The following KIAA1614 variants were observed in gnomAD, a reference collection of about 807,000 sequenced individuals.
KIAA1614 encodes the protein KIAA1614, also known as uncharacterized protein KIAA1614.
In KIAA1614, 76 loss-of-function variants were observed where a neutral mutation model predicts 88.7. That is an observed-to-expected ratio of 0.86 (90% confidence interval 0.71 to 1.04). The LOEUF (loss-of-function observed/expected upper bound fraction) is 1.04. KIAA1614 is among the 50% of genes least tolerant of loss of function. The pLI is 0.00. For synonymous variants in KIAA1614, 714 were observed against 675.5 expected (o/e 1.06, Z -0.88); for missense variants, 1,553 against 1,582.5 (o/e 0.98, Z 0.32).
intron 1 of KIAA1614, among the ~76,000 whole-genome samples, chr1:180,915,108 A>T (rs1653749074): frequency 1.3e-5 from 2 of 152,220 alleles, no homozygotes; most frequent in Non-Finnish European, 2.9e-5. Context: ...CTGGTCAATA[A>T]TGCCATTGTG....
intron 3 of KIAA1614, among the ~76,000 whole-genome samples, chr1:180,921,746 G>A (rs1159257694): frequency 1.3e-5 from 2 of 152,314 alleles, no homozygotes; most frequent in Non-Finnish European, 2.9e-5. Flanking sequence ...AGGAAATGGG[G>A]TTTGGATTTT....
At chr1:180,926,622 C>G (rs1654074666) in intron 3 of KIAA1614, among the ~76,000 whole-genome samples, 1 of 152,250 alleles carries the variant, frequency 6.6e-6, no homozygotes, top group African/African-American at 2.4e-5. Flanking sequence ...GCCTGCCCAC[C>G]AGGTCTTGTG....
intron 3 of KIAA1614, among the ~76,000 whole-genome samples, chr1:180,921,133 G>C (rs958416048): frequency 4.0e-5 from 6 of 151,710 alleles, no homozygotes; most frequent in Admixed American, 6.6e-5. Context: ...TCAGTGAAGG[G>C]AGATAGGGGT....
intron 3 of KIAA1614, among the ~76,000 whole-genome samples, chr1:180,926,688 T>C (rs1051909960): frequency 6.6e-6 from 1 of 152,200 alleles, no homozygotes; most frequent in South Asian, 2.1e-4. Flanking sequence ...GCTCCGAGTG[T>C]GCGGGCTGGC....
chr1:180,939,808 C>T (rs1270799784), intron 6 of KIAA1614, among the ~76,000 whole-genome samples: 2 of 152,202 alleles, frequency 1.3e-5, no homozygotes, highest in African/African-American at 4.8e-5. Flanking sequence ...GCCTTGCCTG[C>T]CTGTCTGACC....
In KIAA1614 at chr1:180,928,438, G is replaced by A. The variant is rs750532932; in HGVS notation, c.1070G>A (p.Gly357Asp). 1.2e-6 allele frequency: 2 copies of A among 1,612,158 alleles called. No individual in the cohort carries two copies. The highest frequency in any genetic ancestry group is 1.1e-5 in the South Asian group (1 of 90,850). ...TGTGTGCCACGCTGCAGGACCGTTG[G>A]TCCCAACCCGGAGCCTGTGCTGAGC... ...LQDSGQNRTV[G>D]PNPEPVLSPR... The change falls in exon 4 of 9, where the codon GGT becomes GAT. Residue 357 changes from glycine to aspartate, a missense_variant. By Grantham distance (94) the Gly-to-Asp change is moderately conservative. Coordinates refer to ENST00000367588, the MANE Select transcript of KIAA1614 (RefSeq NM_020950.2).
chr1:180,916,793 C>T lies in KIAA1614; in HGVS notation c.690C>T (p.Ile230=). Residue 230 remains isoleucine (I), a synonymous_variant, in exon 2 of 9, where the codon ATC becomes ATT. Coordinates refer to ENST00000367588, the MANE Select transcript of KIAA1614 (RefSeq NM_020950.2). ...GGGGTCCTGGTCATTGTAACAAAATCATCCACATTCCCAGCCCAAGGACAG... is the reference window on the plus strand; with the variant it reads ...GGGGTCCTGGTCATTGTAACAAAATTATCCACATTCCCAGCCCAAGGACAG... ...RPGGPGHCNK[I]IHIPSPRTGR... 4.3e-6 allele frequency: 7 copies of T among 1,614,236 alleles called. No individual in the cohort carries two copies. Among genetic ancestry groups the T allele is most frequent in the Non-Finnish European group, 5.9e-6 (7 of 1,180,040 alleles).
Position 180,917,868 on chromosome 1 carries a change from G to A in KIAA1614, c.1015G>A (p.Val339Met). 1 of 1,614,032 alleles carries A rather than the reference G, an allele frequency of 6.2e-7. No individual in the cohort carries two copies. Among genetic ancestry groups the A allele is most frequent in the African/African-American group, 1.3e-5 (1 of 75,042 alleles). ...GATCCTAGAGCGACCAGTGGGGGAT[G>A]TGGACTGGGCCTCGGGCACCTCCTT... ...TAAPERPVGDVDWASGTSLQD... is the reference protein window; with the variant it reads ...TAAPERPVGDMDWASGTSLQD... The change falls in exon 3 of 9, where the codon GTG becomes ATG. Residue 339 changes from valine (V) to methionine (M), a missense_variant. Coordinates refer to ENST00000367588, the MANE Select transcript of KIAA1614 (RefSeq NM_020950.2).
chr1:180,950,667 T>A lies in KIAA1614; in HGVS notation c.*5079T>A. The A allele has an allele frequency of 6.1e-6, 2 of 325,602 alleles. No homozygotes were observed. The highest frequency in any genetic ancestry group is 8.9e-6 in the Non-Finnish European group (2 of 225,684). The allele number at this position is 325,602 out of a possible 1,614,324, so 20.2% of individuals were successfully genotyped here. On this transcript the variant is annotated 3_prime_UTR_variant, in exon 9 of 9. Coordinates refer to ENST00000367588, the MANE Select transcript of KIAA1614 (RefSeq NM_020950.2). Reference sequence around the variant, plus strand: ...TGGCAGCATCTAACCCCTTGGGCTGTGGCAGGGCTTCTGTGGTGGGCTGCC... The same window carrying A: ...TGGCAGCATCTAACCCCTTGGGCTGAGGCAGGGCTTCTGTGGTGGGCTGCC...
rs1365103877 is a variant in KIAA1614, at chr1:180,916,687, C to G, written c.584C>G (p.Pro195Arg). ...PWPPEAEWTL[P>R]DHDRGPLLGP... Reference sequence around the variant, plus strand: ...CCTCCAGAAGCCGAATGGACACTTCCTGACCATGACAGAGGTCCGCTGCTG... The same window carrying G: ...CCTCCAGAAGCCGAATGGACACTTCGTGACCATGACAGAGGTCCGCTGCTG... The change falls in exon 2 of 9, where the codon CCT (proline) becomes CGT (arginine). Residue 195 changes from proline (P) to arginine (R), a missense_variant. By Grantham distance (103) the Pro-to-Arg change is moderately radical. Transcript: ENST00000367588. 3.1e-6 allele frequency: 5 copies of G among 1,609,584 alleles called. No individual in the cohort carries two copies. The highest frequency in any genetic ancestry group is 4.5e-5 in the East Asian group (2 of 44,828).
Position 180,941,191 on chromosome 1 carries a change from G to A in KIAA1614, c.3065G>A (p.Gly1022Asp). ...ALGQSSRPKL[G>D]KSRSYSVEQL... ...GGCCAGAGTTCCCGGCCCAAGCTGG[G>A]CAAGTCCCGCAGCTACAGTGTGGAG... is the stretch of plus-strand genomic sequence containing the variant. The change falls in exon 7 of 9, where the codon GGC becomes GAC. Residue 1022 changes from glycine (G) to aspartate (D), a missense_variant. By Grantham distance (94) the Gly-to-Asp change is moderately conservative (BLOSUM62 -1). Transcript: ENST00000367588. The A allele has an allele frequency of 6.2e-7, 1 of 1,613,844 alleles. No homozygotes were observed.
rs988413837 is a variant in KIAA1614, at chr1:180,950,405, G to A, written c.*4817G>A. On this transcript the variant is annotated 3_prime_UTR_variant, in exon 9 of 9. Coordinates refer to ENST00000367588, the MANE Select transcript of KIAA1614 (RefSeq NM_020950.2). ...GCTGTACTCAGGGCTGCTGGGGGTG[G>A]GCGATGAGATCCTCGAGGTGAACGG... The A allele has an allele frequency of 7.3e-6, 9 of 1,233,054 alleles. No homozygotes were observed. The highest frequency in any genetic ancestry group is 9.4e-6 in the Non-Finnish European group (9 of 959,686). 76.4% of individuals were successfully genotyped at this position (1,233,054 alleles called of 1,614,324 possible).
At chr1:180,940,402 G>A (rs1032724586) in intron 6 of KIAA1614, among the ~76,000 whole-genome samples, 2 of 152,196 alleles carry the variant, frequency 1.3e-5, no homozygotes, top group African/African-American at 2.4e-5. Context: ...TCGGGAGGCT[G>A]AGGTGGGAGA....
At position 180,936,082 on chromosome 1, in the gene KIAA1614, C is replaced by T. The variant is rs745421836; in HGVS notation, c.2173C>T (p.Pro725Ser). The T allele has an allele frequency of 6.2e-7, 1 of 1,614,192 alleles. No individual in the cohort carries two copies. The highest frequency in any genetic ancestry group is 8.5e-7 in the Non-Finnish European group (1 of 1,180,016). The stretch of plus-strand genomic sequence containing the variant: ...GGTGTCCCTGGGACCCCAGTGGCAG[C>T]CTGGACCAGGGCTGGGAAGTCACCA... Reference protein sequence around the residue: ...KRVSLGPQWQPGPGLGSHQPH... With the variant: ...KRVSLGPQWQSGPGLGSHQPH... Residue 725 changes from proline (P) to serine (S), a missense_variant, in exon 5 of 9, where the codon CCT (proline) becomes TCT (serine). Pro to Ser is a moderately conservative substitution (Grantham distance 74). Coordinates refer to ENST00000367588, the MANE Select transcript of KIAA1614 (RefSeq NM_020950.2).
intron 4 of KIAA1614, among the ~76,000 whole-genome samples, chr1:180,930,644 C>T (rs1260546378): frequency 6.6e-6 from 1 of 152,212 alleles, no homozygotes; most frequent in African/African-American, 2.4e-5. Flanking sequence ...GTCACTCTAG[C>T]AGCTCACAAC....
At position 180,941,166 on chromosome 1, in the gene KIAA1614, G is replaced by A. The variant is rs1428502864; in HGVS notation, c.3040G>A (p.Gly1014Ser). Reference sequence around the variant, plus strand: ...GCTGAAAAAGCTCTTCTCAGCCCTGGGCCAGAGTTCCCGGCCCAAGCTGGG... The same window carrying A: ...GCTGAAAAAGCTCTTCTCAGCCCTGAGCCAGAGTTCCCGGCCCAAGCTGGG... Reference protein sequence around the residue: ...LGLKKLFSALGQSSRPKLGKS... With the variant: ...LGLKKLFSALSQSSRPKLGKS... Residue 1014 changes from glycine to serine, a missense_variant, in exon 7 of 9, where the codon GGC becomes AGC. Transcript: ENST00000367588. 6.2e-7 allele frequency: 1 copy of A among 1,613,732 alleles called. No homozygotes were observed. Among genetic ancestry groups the A allele is most frequent in the African/African-American group, 1.3e-5 (1 of 74,996 alleles).
At chr1:180,917,317 G>A (rs919246282) in intron 2 of KIAA1614, among the ~76,000 whole-genome samples, 1 of 152,182 alleles carries the variant, frequency 6.6e-6, no homozygotes, top group African/African-American at 2.4e-5. Flanking sequence ...AGCCCCCCAT[G>A]ACCCTGCAGA....
Position 180,947,152 on chromosome 1 carries a change from G to C in KIAA1614, c.*1564G>C, listed in dbSNP as rs996367518. The C allele has an allele frequency of 2.6e-5, 4 of 152,332 alleles. No homozygotes were observed. The highest frequency in any genetic ancestry group is 9.6e-5 in the African/African-American group (4 of 41,454). The allele number at this position is 152,332 out of a possible 1,614,324, so 9.4% of individuals were successfully genotyped here. A position where few individuals can be genotyped will look rare whatever the true frequency, so the allele number is the denominator to read the frequency against. Reference sequence around the variant, plus strand: ...CGGCAGACTGAACAGCAAGTGCGGAGCCCTGGTGGAGGGGCGAGCCTGGCC... The same window carrying C: ...CGGCAGACTGAACAGCAAGTGCGGACCCCTGGTGGAGGGGCGAGCCTGGCC... On this transcript the variant is annotated 3_prime_UTR_variant, in exon 9 of 9. Transcript: ENST00000367588.
chr1:180,950,263 T>TCAA lies in KIAA1614; in HGVS notation c.*4678_*4680dup. 9.6e-7 allele frequency: 1 copy of TCAA among 1,036,564 alleles called. No homozygotes were observed. The highest frequency in any genetic ancestry group is 1.2e-6 in the Non-Finnish European group (1 of 822,336). The allele number at this position is 1,036,564 out of a possible 1,614,324, so 64.2% of individuals were successfully genotyped here. On this transcript the variant is annotated 3_prime_UTR_variant, in exon 9 of 9. Coordinates refer to ENST00000367588, the MANE Select transcript of KIAA1614 (RefSeq NM_020950.2). ...CCTGTGCCACACAAACAGCACCTCA[T>TCAA]CAACATGGTCAGCATTCCAGAGATG...
Sources: allele counts gnomAD v4.1 joint callset (sites outside exome capture counted in the v4.1 genomes callset), GRCh38; gene constraint gnomAD v4.1.1; transcripts MANE v1.5; gene names NCBI Gene and HGNC (gene_info 2026-07-23, HGNC 2026-07-21).